ZNF277: variants seen among roughly 807,000 people sequenced by gnomAD.
ZNF277 encodes zinc finger protein 277.
Under a neutral mutation model 60.7 loss-of-function variants are expected in ZNF277, and 55 were observed. That is an observed-to-expected ratio of 0.91 (90% confidence interval 0.73 to 1.13). ZNF277 has a LOEUF of 1.13. Among genes scored for constraint, ZNF277 ranks in the 50% most tolerant of loss-of-function variants. The pLI is 0.00. For missense variants in ZNF277, 510 were observed against 523.0 expected (o/e 0.98, Z 0.24); for synonymous variants, 178 against 179.3 (o/e 0.99, Z 0.06).
At chr7:112,279,725 T>C (rs1018471043) in intron 1 of ZNF277, among the ~76,000 whole-genome samples, 13 of 152,172 alleles carry the variant, frequency 8.5e-5, no homozygotes, top group African/African-American at 2.7e-4. Context: ...ACGTATTTTG[T>C]ATATATATTA....
intron 1 of ZNF277, among the ~76,000 whole-genome samples, chr7:112,207,106 C>T (rs1025130948): frequency 3.3e-5 from 5 of 152,362 alleles, no homozygotes; most frequent in Non-Finnish European, 5.9e-5. Flanking sequence ...GAGCTCCCAG[C>T]TTTGAGCTAG....
chr7:112,259,501 A>C (rs568388747), intron 1 of ZNF277, among the ~76,000 whole-genome samples: 1 of 152,324 alleles, frequency 6.6e-6, no homozygotes, highest in African/African-American at 2.4e-5. Context: ...ACTTTAATAG[A>C]GGATGCCTTT....
Position 112,315,844 on chromosome 7 carries a change from TG to T in ZNF277, c.466-2337del, listed in dbSNP as rs532542034. Among the ~76,000 whole-genome samples the T allele has an allele frequency of 1.2e-3, 179 of 152,242 alleles. 3 individuals are homozygous for T. The highest frequency in any genetic ancestry group is 4.1e-3 in the African/African-American group (171 of 41,570). ...AGCCCCAAATGCTGAGTGGCTCATT[TG>T]TATTGAATTCATCTCAATGAGGCTT... On this transcript the variant is annotated intron_variant, in intron 4 of 11. Transcript: ENST00000361822.
chr7:112,296,931 T>TTTTTTTTTTTTTTTTTTTTTTTTTTTA (rs1792365597), intron 4 of ZNF277, among the ~76,000 whole-genome samples: 1 of 84,072 alleles, frequency 1.2e-5, no homozygotes, highest in Non-Finnish European at 2.6e-5. Flanking sequence ...TTTTTTTTTT[T>TTTTTTTTTTTTTTTTTTTTTTTTTTTA]TTTTTTTTTT....
chr7:112,286,854 T>TTTTTTTTTTTTTTTTTTTTTC lies in ZNF277; in HGVS notation c.92-13_92-12insTTTTTTTTTTTTTTCTTTTTT. The TTTTTTTTTTTTTTTTTTTTTC allele has an allele frequency of 7.2e-7, 1 of 1,396,500 alleles. No individual in the cohort carries two copies. The highest frequency in any genetic ancestry group is 9.3e-7 in the Non-Finnish European group (1 of 1,072,566). 86.5% of individuals were successfully genotyped at this position (1,396,500 alleles called of 1,614,324 possible). ...TTTTCTTTCTTTCTTTTTTTTTTTT[T>TTTTTTTTTTTTTTTTTTTTTC]TTTTTTGGTCTATTCCAGACAGTAA... is the stretch of plus-strand genomic sequence containing the variant. On this transcript the variant is annotated intron_variant, in intron 1 of 11. Coordinates refer to ENST00000361822, the MANE Select transcript of ZNF277 (RefSeq NM_021994.3).
intron 4 of ZNF277, among the ~76,000 whole-genome samples, chr7:112,317,480 A>G (rs1792868844): frequency 6.6e-6 from 1 of 152,138 alleles, no homozygotes; most frequent in African/African-American, 2.4e-5. Flanking sequence ...GATCTTGATT[A>G]GCAGATAAGA....
rs34593342 is a variant in ZNF277, at chr7:112,302,949, CTT to C, written c.465+6654_465+6655del. On this transcript the variant is annotated intron_variant, in intron 4 of 11. Transcript: ENST00000361822. ...GATCTTTCTTTCTGAGCAAATAGGC[CTT>C]TTTTTTTTTTTTTTTGAGACAGAGT... 2.3e-3 allele frequency among the ~76,000 whole-genome samples: 301 copies of C among 132,812 alleles called. 3 individuals carry two copies. The highest frequency in any genetic ancestry group is 7.5e-3 in the African/African-American group (259 of 34,626). 87.1% of individuals were successfully genotyped at this position (132,812 alleles called of 152,430 possible).
chr7:112,247,794 CCT>C (rs1188752432), intron 1 of ZNF277, among the ~76,000 whole-genome samples: 2 of 151,790 alleles, frequency 1.3e-5, no homozygotes, highest in East Asian at 3.9e-4. Flanking sequence ...GTGGTGAGAC[CCT>C]GTCTCTACTA....
intron 1 of ZNF277, among the ~76,000 whole-genome samples, chr7:112,286,647 T>A (rs982796993): frequency 5.9e-5 from 9 of 152,130 alleles, no homozygotes; most frequent in African/African-American, 2.2e-4. Flanking sequence ...AGCAAGCAAA[T>A]GAGGGGTTTG....
intron 2 of ZNF277, among the ~76,000 whole-genome samples, chr7:112,292,769 T>A (rs1395665251): frequency 1.3e-5 from 2 of 152,162 alleles, no homozygotes; most frequent in Non-Finnish European, 2.9e-5. Flanking sequence ...TTGTCATTAT[T>A]GTCACTATCA....
intron 9 of ZNF277, among the ~76,000 whole-genome samples, chr7:112,339,126 A>G (rs1027066421): frequency 3.9e-5 from 6 of 152,234 alleles, no homozygotes; most frequent in Admixed American, 3.9e-4. Flanking sequence ...GAATTTGTAA[A>G]AATTACCTAT....
chr7:112,303,262 T>C (rs1436846809), intron 4 of ZNF277, among the ~76,000 whole-genome samples: 1 of 152,064 alleles, frequency 6.6e-6, no homozygotes, highest in Non-Finnish European at 1.5e-5. Flanking sequence ...AATGTGACAT[T>C]TTCTAAATTG....
chr7:112,337,132 G>A (rs1793350008), intron 8 of ZNF277, among the ~76,000 whole-genome samples: 1 of 152,146 alleles, frequency 6.6e-6, no homozygotes, highest in African/African-American at 2.4e-5. Flanking sequence ...CCTGGTTTGG[G>A]AATGATAAGA....
intron 1 of ZNF277, among the ~76,000 whole-genome samples, chr7:112,250,773 G>T (rs992330575): frequency 6.6e-6 from 1 of 152,132 alleles, no homozygotes; most frequent in Non-Finnish European, 1.5e-5. Flanking sequence ...AGATAGAAAA[G>T]CTTCCTCCCC....
chr7:112,232,124 A>G (rs1822356232), intron 1 of ZNF277, among the ~76,000 whole-genome samples: 1 of 148,380 alleles, frequency 6.7e-6, no homozygotes, highest in South Asian at 2.1e-4. Context: ...TTCTCTCATA[A>G]GTGTCATATG....
At chr7:112,255,674 C>T (rs1043651468) in intron 1 of ZNF277, among the ~76,000 whole-genome samples, 3 of 152,236 alleles carry the variant, frequency 2.0e-5, no homozygotes, top group African/African-American at 7.2e-5. Context: ...AAGCACCTGG[C>T]ATGTGCCCCT....
Position 112,329,966 on chromosome 7 carries a change from C to T in ZNF277, c.669-118C>T, listed in dbSNP as rs370470378. On this transcript the variant is annotated intron_variant, in intron 6 of 11. Transcript: ENST00000361822. ...GGGGATTCTGACAAGGATGGTATAT[C>T]CCATTTGAAGATGCTGTGTAACCTA... The T allele has an allele frequency of 3.6e-5, 41 of 1,124,442 alleles. No individual in the cohort carries two copies. The East Asian group carries it at 1.0e-3, about 28-fold the overall frequency. The allele number at this position is 1,124,442 out of a possible 1,614,324, so 69.7% of individuals were successfully genotyped here. A position where few individuals can be genotyped will look rare whatever the true frequency, so the allele number is the denominator to read the frequency against.
intron 1 of ZNF277, among the ~76,000 whole-genome samples, chr7:112,284,187 G>A (rs565832401): frequency 3.9e-5 from 6 of 152,300 alleles, no homozygotes; most frequent in South Asian, 2.1e-4. Flanking sequence ...AACACACCTT[G>A]CAGGTAATTT....
chr7:112,342,541 G>C lies in ZNF277; in HGVS notation c.1185-20G>C. On this transcript the variant is annotated intron_variant, in intron 11 of 11. Coordinates refer to ENST00000361822, the MANE Select transcript of ZNF277 (RefSeq NM_021994.3). Reference sequence around the variant, plus strand: ...TATTAGCTTGGTAATTTAATACTATGTATCTGTGGTTGTTTTCAGGTATTA... The same window carrying C: ...TATTAGCTTGGTAATTTAATACTATCTATCTGTGGTTGTTTTCAGGTATTA... 6.3e-7 allele frequency: 1 copy of C among 1,588,598 alleles called. No individual in the cohort carries two copies. Among genetic ancestry groups the C allele is most frequent in the African/African-American group, 1.3e-5 (1 of 74,240 alleles).
Sources: gnomAD v4.1 joint callset for allele counts (sites outside exome capture counted in the v4.1 genomes callset) on GRCh38, gnomAD v4.1.1 for gene constraint, MANE v1.5 for transcripts, NCBI Gene and HGNC (gene_info 2026-07-23, HGNC 2026-07-21) for gene names.